The following LPP variants were observed in gnomAD, a reference collection of about 807,000 sequenced individuals.
LPP encodes the protein LIM domain containing preferred translocation partner in lipoma.
In LPP, 38 loss-of-function variants were observed where a neutral mutation model predicts 60.4. The ratio of observed to expected loss-of-function variants is 0.63; its 90% CI spans 0.49 to 0.83. LPP has a LOEUF of 0.83. Ranked by LOEUF, LPP falls within the 40% of genes least tolerant of loss-of-function variation. LPP has a pLI of 0.00. For synonymous variants in LPP, 328 were observed against 290.8 expected (o/e 1.13, Z -1.30); for missense variants, 902 against 783.6 (o/e 1.15, Z -1.80).
intron 7 of LPP, among the ~76,000 whole-genome samples, chr3:188,680,994 C>CTTT (rs11307025): frequency 3.0e-4 from 39 of 129,106 alleles, no homozygotes; most frequent in African/African-American, 6.0e-4. Flanking sequence ...GGTGCATTTC[C>CTTT]TTTTTTTTTT....
intron 7 of LPP, among the ~76,000 whole-genome samples, chr3:188,627,857 A>T (rs1560667332): frequency 6.6e-6 from 1 of 152,104 alleles, no homozygotes; most frequent in Non-Finnish European, 1.5e-5. Flanking sequence ...TTGACTACAC[A>T]CCCATTCATA....
intron 2 of LPP, among the ~76,000 whole-genome samples, chr3:188,303,041 G>A (rs1272206587): frequency 6.6e-6 from 1 of 152,076 alleles, no homozygotes; most frequent in African/African-American, 2.4e-5. Context: ...TGTATTAACT[G>A]CCTACTACGT....
chr3:188,585,590 C>T (rs987721587), intron 6 of LPP, among the ~76,000 whole-genome samples: 1 of 152,168 alleles, frequency 6.6e-6, no homozygotes, highest in Non-Finnish European at 1.5e-5. Context: ...TTCTTTTAGT[C>T]CTAAAGCTTA....
At chr3:188,624,320 T>G (rs1054719163) in intron 7 of LPP, among the ~76,000 whole-genome samples, 2 of 152,180 alleles carry the variant, frequency 1.3e-5, no homozygotes, top group Non-Finnish European at 2.9e-5. Flanking sequence ...AGCTGTAAAA[T>G]CCAGCCCATT....
intron 6 of LPP, among the ~76,000 whole-genome samples, chr3:188,604,364 C>T (rs1474549647): frequency 6.6e-6 from 1 of 152,006 alleles, no homozygotes; most frequent in Non-Finnish European, 1.5e-5. Context: ...CGTCTCTTTC[C>T]TTTCTTAGTA....
Position 188,490,108 on chromosome 3 carries a change from T to C in LPP, c.306+5404T>C, listed in dbSNP as rs1041127406. Among the ~76,000 whole-genome samples the C allele has an allele frequency of 3.9e-5, 6 of 152,170 alleles. No individual in the cohort carries two copies. In the East Asian group the frequency reaches 9.6e-4, roughly 24 times the overall value. ...CCCTTTATGATGTCCTCATATTGGT[T>C]TTCTTTCCCCTTTTAAAAAGTGATG... On this transcript the variant is annotated intron_variant, in intron 5 of 11. Transcript: ENST00000617246.
At chr3:188,342,500 G>C (rs892548392) in intron 3 of LPP, among the ~76,000 whole-genome samples, 2 of 152,166 alleles carry the variant, frequency 1.3e-5, no homozygotes, top group Admixed American at 6.5e-5. Context: ...GAGCTCTACT[G>C]TGTTTTATGT....
rs112423022 is a variant in LPP at position 188,514,648 on chromosome 3, G to A, written c.307-10017G>A. Among the ~76,000 whole-genome samples the A allele has an allele frequency of 7.6e-3, 1,156 of 152,122 alleles. 11 individuals are homozygous for A. Among genetic ancestry groups the A allele is most frequent in the African/African-American group, 0.027 (1,121 of 41,482 alleles). On this transcript the variant is annotated intron_variant, in intron 5 of 11. Transcript: ENST00000617246. ...GTAGAGATGGCGTTTCGCCATGTTG[G>A]CCAGGCTGGTCTTGAACTCCTGACC...
chr3:188,639,208 G>A (rs1264968497), intron 7 of LPP, among the ~76,000 whole-genome samples: 2 of 152,032 alleles, frequency 1.3e-5, no homozygotes, highest in East Asian at 1.9e-4. Flanking sequence ...CAGAAATAAC[G>A]CCGCATATCT....
chr3:188,839,572 CAA>C (rs1759381226), intron 9 of LPP, among the ~76,000 whole-genome samples: 1 of 152,128 alleles, frequency 6.6e-6, no homozygotes, highest in South Asian at 2.1e-4. Flanking sequence ...GGCCCGAGTA[CAA>C]AAACCAGCCT....
rs1722394289 is a variant in LPP, at chr3:188,736,082, C to G, written c.1241-24031C>G. 3.3e-5 allele frequency among the ~76,000 whole-genome samples: 5 copies of G among 152,134 alleles called. No homozygotes were observed. The South Asian group carries it at 1.0e-3, about 32-fold the overall frequency. ...ACAGCCCCTTCACTTAAATGATACGCACAGTCCAGATAGACTGCAAAACTT... is the reference window on the plus strand; with the variant it reads ...ACAGCCCCTTCACTTAAATGATACGGACAGTCCAGATAGACTGCAAAACTT... On this transcript the variant is annotated intron_variant, in intron 8 of 11. Transcript: ENST00000617246.
At chr3:188,221,685 C>G (rs1029454744) in intron 1 of LPP, among the ~76,000 whole-genome samples, 1 of 152,178 alleles carries the variant, frequency 6.6e-6, no homozygotes, top group Non-Finnish European at 1.5e-5. Flanking sequence ...CAGTAGATGT[C>G]TGCTTAGTGC....
chr3:188,186,012 A>C (rs888448580), intron 1 of LPP, among the ~76,000 whole-genome samples: 1 of 152,128 alleles, frequency 6.6e-6, no homozygotes, highest in African/African-American at 2.4e-5. Context: ...GTAGGAAAGG[A>C]GTGTCAGGCC....
At chr3:188,739,929 T>C (rs1462146283) in intron 8 of LPP, among the ~76,000 whole-genome samples, 2 of 152,224 alleles carry the variant, frequency 1.3e-5, no homozygotes, top group African/African-American at 4.8e-5. Context: ...AATCTCATAT[T>C]TTGTGAAGTT....
intron 9 of LPP, among the ~76,000 whole-genome samples, chr3:188,801,773 A>C (rs1747357696): frequency 6.6e-6 from 1 of 152,184 alleles, no homozygotes; most frequent in South Asian, 2.1e-4. Context: ...TTTTAATGAG[A>C]GTAATAATGC....
intron 4 of LPP, among the ~76,000 whole-genome samples, chr3:188,467,060 C>A (rs1010067857): frequency 2.6e-5 from 4 of 151,068 alleles, no homozygotes; most frequent in African/African-American, 7.3e-5. Context: ...TCTGGTCAGG[C>A]TCCTAATCTT....
At chr3:188,257,898 C>T (rs1434673916) in intron 2 of LPP, among the ~76,000 whole-genome samples, 17 of 152,252 alleles carry the variant, frequency 1.1e-4, no homozygotes, top group East Asian at 1.9e-4. Flanking sequence ...TGCCTAACTG[C>T]AAAGCCTATA....
intron 7 of LPP, among the ~76,000 whole-genome samples, chr3:188,689,991 A>T (rs1005928818): frequency 6.6e-6 from 1 of 151,810 alleles, no homozygotes; most frequent in Admixed American, 6.6e-5. Flanking sequence ...TCCTTCTCTG[A>T]CCTGTGAAAT....
At chr3:188,189,026 A>G (rs1028765170) in intron 1 of LPP, among the ~76,000 whole-genome samples, 2 of 152,204 alleles carry the variant, frequency 1.3e-5, no homozygotes, top group African/African-American at 2.4e-5. Context: ...GGAGGTGATG[A>G]TGAGACACAT....
Sources: gnomAD v4.1 joint callset for allele counts (sites outside exome capture counted in the v4.1 genomes callset) on GRCh38, gnomAD v4.1.1 for gene constraint, MANE v1.5 for transcripts, NCBI Gene and HGNC (gene_info 2026-07-23, HGNC 2026-07-21) for gene names.